Variants in DBR1 observed in about 807,000 individuals in gnomAD.
DBR1 encodes debranching RNA lariats 1.
In DBR1, 33 loss-of-function variants were observed where a neutral mutation model predicts 45.9. That is an observed-to-expected ratio of 0.72 (90% CI 0.55 to 0.96). The LOEUF (loss-of-function observed/expected upper bound fraction) is 0.96, where lower values mean the gene tolerates loss of function less well. DBR1 is among the 40% of genes least tolerant of loss of function. DBR1 has a pLI of 0.00. For synonymous variants in DBR1, 235 were observed against 235.9 expected (o/e 1.00, Z 0.04); for missense variants, 619 against 667.4 (o/e 0.93, Z 0.80).
chr3:138,166,368 C>A (rs926151497), intron 5 of DBR1, among the ~76,000 whole-genome samples: 1 of 152,188 alleles, frequency 6.6e-6, no homozygotes, highest in Non-Finnish European at 1.5e-5. Flanking sequence ...TCATCCTGGA[C>A]TTCTTTCCTC....
At chr3:138,167,490 A>G (rs1035064352) in intron 4 of DBR1, among the ~76,000 whole-genome samples, 185 bp from the exon 5 acceptor site, 3 of 152,186 alleles carry the variant, frequency 2.0e-5, no homozygotes, top group African/African-American at 7.2e-5. Context: ...CATCTAGGCA[A>G]AGAGAAGCTG....
rs758333546 is a variant in DBR1 at position 138,162,120 on chromosome 3, G to C, written c.1404C>G (p.Val468=). ...CAATCATAGAGCCTGGCAAGATCCT[G>C]ACATCAGAGAAACTTGCAGAAAACT... ...ASEFSASFSD[V]RILPGSMIVS... is the part of the protein sequence containing the mutation. Residue 468 remains valine (V), a synonymous_variant, in exon 8 of 8, where the codon GTC becomes GTG. Coordinates refer to ENST00000260803, the MANE Select transcript of DBR1 (RefSeq NM_016216.4). The C allele has an allele frequency of 6.2e-7, 1 of 1,614,156 alleles. No individual in the cohort carries two copies. The highest frequency in any genetic ancestry group is 8.5e-7 in the Non-Finnish European group (1 of 1,180,026).
chr3:138,162,630 C>A, intron 7 of DBR1, 48 bp from the exon 8 acceptor site: 5 of 1,435,442 alleles, frequency 3.5e-6, no homozygotes, highest in Non-Finnish European at 4.8e-6. Flanking sequence ...CAGCTCTAAA[C>A]AATAAATGAT....
At chr3:138,174,336 A>G (rs890291718) in intron 1 of DBR1, among the ~76,000 whole-genome samples, 3 of 152,148 alleles carry the variant, frequency 2.0e-5, no homozygotes, top group African/African-American at 7.2e-5. Flanking sequence ...TAAGATGTGT[A>G]TGGAAAGAAG....
In DBR1 at chr3:138,173,638, G is replaced by A. The variant is rs1258277600; in HGVS notation, c.198-12C>T. ...CTCCAGAGTAATACCTAGAACATAA[G>A]AGCAAAGTCAGTTACCACAATTAGG... On this transcript the variant is annotated splice_polypyrimidine_tract_variant and intron_variant, in intron 1 of 7. Coordinates refer to ENST00000260803, the MANE Select transcript of DBR1 (RefSeq NM_016216.4). 2 of 1,602,816 alleles carry A rather than the reference G, an allele frequency of 1.2e-6. No individual in the cohort carries two copies. Among genetic ancestry groups the A allele is most frequent in the Non-Finnish European group, 1.7e-6 (2 of 1,175,046 alleles).
chr3:138,168,446 G>A (rs1320450347), intron 4 of DBR1, among the ~76,000 whole-genome samples: 1 of 151,574 alleles, frequency 6.6e-6, no homozygotes, highest in Non-Finnish European at 1.5e-5. Flanking sequence ...CTTGAACCCA[G>A]GAGGCAGAGG....
At chr3:138,168,576 TTAGA>T in intron 4 of DBR1, among the ~76,000 whole-genome samples, 1 of 150,916 alleles carries the variant, frequency 6.6e-6, no homozygotes, top group East Asian at 1.9e-4. Context: ...ATATTAGATA[TTAGA>T]TAGATATGAC....
At chr3:138,169,294 A>G (rs1331262886) in intron 4 of DBR1, among the ~76,000 whole-genome samples, 1 of 152,146 alleles carries the variant, frequency 6.6e-6, no homozygotes, top group Non-Finnish European at 1.5e-5. Flanking sequence ...GATTATATGA[A>G]ATACCAAGTG....
chr3:138,173,375 G>T, intron 2 of DBR1, 127 bp downstream of exon 2: 2 of 908,300 alleles, frequency 2.2e-6, no homozygotes, highest in South Asian at 2.0e-5. Context: ...AAATTTTCAC[G>T]ATTAAGTATT....
At chr3:138,171,768 C>T (rs540922657) in intron 2 of DBR1, 55 bp from the exon 3 acceptor site, 1 of 1,222,958 alleles carries the variant, frequency 8.2e-7, no homozygotes, top group Admixed American at 1.8e-5. Context: ...TCTACACCGA[C>T]TGAATAAACC....
intron 2 of DBR1, 51 bp downstream of exon 2, chr3:138,173,451 T>C (rs757848190): frequency 1.3e-6 from 2 of 1,598,636 alleles, no homozygotes; most frequent in Non-Finnish European, 1.7e-6. Flanking sequence ...CAAATCCTGA[T>C]AAGCTCTTCC....
rs200033073 is a variant in DBR1 at position 138,173,564 on chromosome 3, G to C, written c.260C>G (p.Ala87Gly). The C allele has an allele frequency of 6.2e-7, 1 of 1,613,624 alleles. No homozygotes were observed. Among genetic ancestry groups the C allele is most frequent in the East Asian group, 2.2e-5 (1 of 44,872 alleles). The change falls in exon 2 of 8, where the codon GCC becomes GGC. Residue 87 changes from alanine (A) to glycine (G), a missense_variant. Ala to Gly is a moderately conservative substitution (Grantham distance 60, BLOSUM62 0). Transcript: ENST00000260803. Reference sequence around the variant, plus strand: ...GGGTAACTCTTGCAAATGATTTGAGGCTTCATGGTTTCCCCCAATGAAGAG... The same window carrying C: ...GGGTAACTCTTGCAAATGATTTGAGCCTTCATGGTTTCCCCCAATGAAGAG... ...LTLFIGGNHE[A>G]SNHLQELPYG... is the part of the protein sequence containing the mutation.
intron 4 of DBR1, among the ~76,000 whole-genome samples, chr3:138,169,849 C>A (rs1177017358): frequency 6.6e-6 from 1 of 152,016 alleles, no homozygotes; most frequent in Non-Finnish European, 1.5e-5. Context: ...ACAAGACTTG[C>A]TTGAACCCAG....
At position 138,161,760 on chromosome 3, in the gene DBR1, T is replaced by A; in HGVS notation, c.*129A>T. On this transcript the variant is annotated 3_prime_UTR_variant, in exon 8 of 8. Transcript: ENST00000260803. ...ACTTGGGAGGCTGAGGCAGGAGAATTGCTTGAACCTGGGAGGCGGAGGTTG... is the reference window on the plus strand; with the variant it reads ...ACTTGGGAGGCTGAGGCAGGAGAATAGCTTGAACCTGGGAGGCGGAGGTTG... 1 of 709,108 alleles carries A rather than the reference T, an allele frequency of 1.4e-6. No individual in the cohort carries two copies. The highest frequency in any genetic ancestry group is 2.4e-6 in the Non-Finnish European group (1 of 416,526). 43.9% of individuals were successfully genotyped at this position (709,108 alleles called of 1,614,324 possible).
chr3:138,161,861 A>G lies in DBR1; in HGVS notation c.*28T>C. On this transcript the variant is annotated 3_prime_UTR_variant, in exon 8 of 8. Transcript: ENST00000260803. ...AACTCCATCTCAAAAAAACAAAACA[A>G]ACACAAAAACAAAACAAGTAAATCA... The G allele has an allele frequency of 6.3e-7, 1 of 1,579,444 alleles. No individual in the cohort carries two copies. The highest frequency in any genetic ancestry group is 8.7e-7 in the Non-Finnish European group (1 of 1,151,518).
rs779092999 is a variant in DBR1 at position 138,161,862 on chromosome 3, A to G, written c.*27T>C. The stretch of plus-strand genomic sequence containing the variant: ...ACTCCATCTCAAAAAAACAAAACAA[A>G]CACAAAAACAAAACAAGTAAATCAT... On this transcript the variant is annotated 3_prime_UTR_variant, in exon 8 of 8. Transcript: ENST00000260803. 18 of 1,579,840 alleles carry G rather than the reference A, an allele frequency of 1.1e-5. No homozygotes were observed. In the South Asian group the frequency reaches 1.9e-4, roughly 17 times the overall value.
intron 5 of DBR1, among the ~76,000 whole-genome samples, chr3:138,165,098 C>T (rs1226747531): frequency 6.6e-6 from 1 of 152,072 alleles, no homozygotes; most frequent in Non-Finnish European, 1.5e-5. Flanking sequence ...TAGTTAAAAC[C>T]TGAACTCCAG....
rs767970705 is a variant in DBR1 at position 138,163,906 on chromosome 3, A to AG, written c.715-49dup. The AG allele has an allele frequency of 1.3e-5, 18 of 1,383,386 alleles. No homozygotes were observed. In the South Asian group the frequency reaches 2.0e-4, roughly 15 times the overall value. The allele number at this position is 1,383,386 out of a possible 1,614,324, so 85.7% of individuals were successfully genotyped here. On this transcript the variant is annotated intron_variant, in intron 5 of 7. Transcript: ENST00000260803. ...TAAGAAAGAATGTTAAAACAACCAC[A>AG]GGTAATTCTTCATACACGGAATAGG...
intron 5 of DBR1, among the ~76,000 whole-genome samples, chr3:138,164,603 T>A (rs1422285380): frequency 2.6e-5 from 4 of 152,208 alleles, no homozygotes; most frequent in African/African-American, 7.2e-5. Context: ...TCTGGAAATT[T>A]ACTAAAAATC....
Sources: allele counts gnomAD v4.1 joint callset (sites outside exome capture counted in the v4.1 genomes callset), GRCh38; gene constraint gnomAD v4.1.1; transcripts MANE v1.5; gene names NCBI Gene and HGNC (gene_info 2026-07-23, HGNC 2026-07-21).